ZNF423: variants seen among roughly 807,000 people sequenced by gnomAD.
The protein encoded by ZNF423 is zinc finger protein 423.
In ZNF423, 12 loss-of-function variants were observed where a neutral mutation model predicts 95.8. The observed-to-expected ratio is 0.13, with a 90% CI of 0.08 to 0.20. ZNF423 has a LOEUF of 0.20. Among genes scored for constraint, ZNF423 ranks in the 10% least tolerant of loss-of-function variants. The pLI is 1.00. For missense variants in ZNF423, 1,316 were observed against 1,737.1 expected (o/e 0.76, Z 4.31); for synonymous variants, 749 against 711.9 (o/e 1.05, Z -0.83).
intron 3 of ZNF423, among the ~76,000 whole-genome samples, chr16:49,710,623 G>A (rs936538244): frequency 2.6e-5 from 4 of 152,154 alleles, no homozygotes; most frequent in Admixed American, 1.3e-4. Flanking sequence ...CAGAGCAGCC[G>A]GGTGCCACTG....
chr16:49,567,907 G>A (rs1037275231), intron 5 of ZNF423, among the ~76,000 whole-genome samples: 1 of 152,134 alleles, frequency 6.6e-6, no homozygotes, highest in African/African-American at 2.4e-5. Context: ...ATACTCCTCC[G>A]GAAGTGGACC....
chr16:49,835,576 G>A (rs1200105310), intron 1 of ZNF423, among the ~76,000 whole-genome samples: 8 of 152,204 alleles, frequency 5.3e-5, no homozygotes, highest in Non-Finnish European at 1.5e-5. Context: ...GGGCCAGTGG[G>A]CAGCCTCCAC....
chr16:49,825,883 A>G (rs2035000558), intron 1 of ZNF423, among the ~76,000 whole-genome samples: 1 of 152,236 alleles, frequency 6.6e-6, no homozygotes, highest in South Asian at 2.1e-4. Flanking sequence ...ACAAGGTTTC[A>G]GAAGAATGTA....
At chr16:49,525,562 C>A in intron 5 of ZNF423, 68 bp from the exon 6 acceptor site, 1 of 1,599,628 alleles carries the variant, frequency 6.3e-7, no homozygotes, top group Non-Finnish European at 8.5e-7. Flanking sequence ...GCTCACAAGG[C>A]CTCCCATAGA....
chr16:49,724,179 A>G (rs8050003), intron 3 of ZNF423, among the ~76,000 whole-genome samples: 59,965 of 151,950 alleles, frequency 0.39, 13,320 homozygotes, highest in African/African-American at 0.6. Flanking sequence ...TCCCCCCACC[A>G]TAATTGATTT....
rs1972807631 is a variant in ZNF423, at chr16:49,637,980, A to G, written c.1196T>C (p.Leu399Pro). 5 of 1,614,076 alleles carry G rather than the reference A, an allele frequency of 3.1e-6. No individual in the cohort carries two copies. The highest frequency in any genetic ancestry group is 4.2e-6 in the Non-Finnish European group (5 of 1,180,030). ...ATCCCGCATCTTCTTCTGCCCCCGCAGCGGCTTCAAGGTGGAGTCCGGGGT... is the reference window on the plus strand; with the variant it reads ...ATCCCGCATCTTCTTCTGCCCCCGCGGCGGCTTCAAGGTGGAGTCCGGGGT... ...GSTPDSTLKP[L>P]RGQKKMRDDG... is the part of the protein sequence containing the mutation. Residue 399 changes from leucine (L) to proline (P), a missense_variant, in exon 4 of 8, where the codon CTG becomes CCG. Coordinates refer to ENST00000563137, the MANE Select transcript of ZNF423 (RefSeq NM_001379286.1). This position sits in a 1 kb window ranked among gnomAD's most constrained non-coding sequence, Gnocchi z 5.6.
chr16:49,700,889 GGGAGGAGGCAGGAGAAA>G (rs2032156515), intron 3 of ZNF423, among the ~76,000 whole-genome samples: 1 of 152,088 alleles, frequency 6.6e-6, no homozygotes, highest in Non-Finnish European at 1.5e-5. Flanking sequence ...GCAGAAAGGA[GGGAGGAGGCAGGAGAAA>G]GGAGGAGGGA....
At chr16:49,812,766 A>C (rs943129385) in intron 1 of ZNF423, among the ~76,000 whole-genome samples, 2 of 152,152 alleles carry the variant, frequency 1.3e-5, no homozygotes, top group Non-Finnish European at 2.9e-5. Flanking sequence ...CTGGAAAGTG[A>C]GAAAGGGTGA....
chr16:49,498,690 A>C (rs892039246), intron 7 of ZNF423, among the ~76,000 whole-genome samples: 1 of 151,934 alleles, frequency 6.6e-6, no homozygotes. Context: ...CTTTCCTCCC[A>C]CACTTTACTT....
chr16:49,512,988 C>T (rs1967959740), intron 7 of ZNF423, among the ~76,000 whole-genome samples: 3 of 152,018 alleles, frequency 2.0e-5, no homozygotes, highest in South Asian at 2.1e-4. Flanking sequence ...CCCAGCTACT[C>T]GGGAGGCTGA....
At chr16:49,494,635 C>T (rs1292570183) in intron 7 of ZNF423, among the ~76,000 whole-genome samples, 1 of 152,186 alleles carries the variant, frequency 6.6e-6, no homozygotes, top group South Asian at 2.1e-4. Context: ...CCCAGAGGTG[C>T]CCAGGTGCTC....
At chr16:49,818,882 G>A (rs952266232) in intron 1 of ZNF423, among the ~76,000 whole-genome samples, 4 of 151,944 alleles carry the variant, frequency 2.6e-5, no homozygotes, top group African/African-American at 9.7e-5. Flanking sequence ...GCAAGACCCT[G>A]TCTCTAAAAA....
At chr16:49,790,788 C>T (rs143869802) in intron 1 of ZNF423, among the ~76,000 whole-genome samples, 2 of 152,262 alleles carry the variant, frequency 1.3e-5, no homozygotes, top group African/African-American at 4.8e-5. Context: ...TTTCCCACTT[C>T]AAAAATGGAG....
Position 49,628,768 on chromosome 16 carries a change from G to C in ZNF423, c.3517-2514C>G, listed in dbSNP as rs1379241531. On this transcript the variant is annotated intron_variant, in intron 4 of 7. Transcript: ENST00000563137. ...ACACAGGGGCTAGTACCAGCTGCCT[G>C]TGGGAGCTGAGGGCAGAAAAACTGA... Among the ~76,000 whole-genome samples, 5 of 152,200 alleles carry C rather than the reference G, an allele frequency of 3.3e-5. No individual in the cohort carries two copies. In the South Asian group the frequency reaches 1.0e-3, roughly 32 times the overall value.
intron 3 of ZNF423, among the ~76,000 whole-genome samples, chr16:49,680,221 G>A (rs945247871): frequency 1.5e-4 from 23 of 152,240 alleles, no homozygotes; most frequent in African/African-American, 5.5e-4. Context: ...CCCACTGCAG[G>A]TGTCCTCTCA....
At chr16:49,658,987 C>G (rs971143515) in intron 3 of ZNF423, among the ~76,000 whole-genome samples, 4 of 152,246 alleles carry the variant, frequency 2.6e-5, no homozygotes, top group African/African-American at 9.6e-5. Context: ...ATCAGCCACA[C>G]TCACCAGACA....
At chr16:49,858,726 CCCA>C (rs994300998), upstream of ZNF423, among the ~76,000 whole-genome samples, 25 of 143,802 alleles carry the variant, frequency 1.7e-4, 1 homozygote, top group South Asian at 4.5e-4. This position sits in a 1 kb window ranked among gnomAD's most constrained non-coding sequence, Gnocchi z 4.3. Context: ...AGCCCCCCCC[CCCA>C]CGCCCCCGCG....
intron 3 of ZNF423, among the ~76,000 whole-genome samples, chr16:49,701,752 C>G (rs767933229): frequency 1.3e-5 from 2 of 152,194 alleles, no homozygotes; most frequent in Non-Finnish European, 2.9e-5. Context: ...CCCCCTTCCC[C>G]GTTGCAGATT....
intron 3 of ZNF423, among the ~76,000 whole-genome samples, chr16:49,682,545 G>T (rs1263943645): frequency 6.6e-6 from 1 of 152,242 alleles, no homozygotes; most frequent in Non-Finnish European, 1.5e-5. Flanking sequence ...TCCCAGGAGA[G>T]GCCTTGCATC....
Sources: allele counts gnomAD v4.1 joint callset (sites outside exome capture counted in the v4.1 genomes callset), GRCh38; gene constraint gnomAD v4.1.1; non-coding constraint Gnocchi (gnomAD v3.1); transcripts MANE v1.5; gene names NCBI Gene and HGNC (gene_info 2026-07-23, HGNC 2026-07-21).